The following PSMA1 variants were observed in gnomAD, a reference collection of about 807,000 sequenced individuals.
PSMA1 encodes proteasome 20S subunit alpha 1, also known as proteasome subunit alpha type-1.
PSMA1 carries 3 observed loss-of-function variants against 38.4 expected under a neutral mutation model. The ratio of observed to expected loss-of-function variants is 0.08; its 90% CI spans 0.04 to 0.20. The LOEUF is 0.20. Among genes scored for constraint, PSMA1 ranks in the 10% least tolerant of loss-of-function variants. The probability of loss-of-function intolerance (pLI) is 1.00; values close to 1 mark genes in which losing one functional copy is unlikely to be tolerated. For synonymous variants in PSMA1, 101 were observed against 107.1 expected (o/e 0.94, Z 0.35); for missense variants, 227 against 325.3 (o/e 0.70, Z 2.32).
intron 2 of PSMA1, among the ~76,000 whole-genome samples, chr11:14,558,255 A>AG (rs1242290507): frequency 6.6e-6 from 1 of 150,586 alleles, no homozygotes; most frequent in Admixed American, 6.6e-5. Flanking sequence ...TGCACAAAAA[A>AG]AAAAAAAAAA....
intron 5 of PSMA1, 160 bp downstream of exon 5, chr11:14,514,243 T>G: frequency 2.2e-6 from 3 of 1,370,500 alleles, no homozygotes; most frequent in Non-Finnish European, 2.8e-6. Flanking sequence ...CTAGCAAATA[T>G]AAATTGCTTA....
At chr11:14,615,373 G>T (rs951766313) in intron 1 of PSMA1, among the ~76,000 whole-genome samples, 10 of 152,182 alleles carry the variant, frequency 6.6e-5, no homozygotes, top group Non-Finnish European at 4.4e-5. Flanking sequence ...AGGTTTCCTT[G>T]TCCTCTGACT....
chr11:14,611,524 G>A (rs1447358466), intron 1 of PSMA1, among the ~76,000 whole-genome samples: 2 of 152,198 alleles, frequency 1.3e-5, no homozygotes, highest in Non-Finnish European at 2.9e-5. Context: ...ATTCTACAAT[G>A]AAGGATTTTT....
intron 2 of PSMA1, among the ~76,000 whole-genome samples, chr11:14,583,527 C>T (rs1352083987): frequency 6.6e-6 from 1 of 152,230 alleles, no homozygotes; most frequent in African/African-American, 2.4e-5. Context: ...ATCCCCAAAG[C>T]TGCTGTTGAC....
intron 2 of PSMA1, among the ~76,000 whole-genome samples, chr11:14,567,286 T>C (rs567854485): frequency 6.6e-6 from 1 of 152,288 alleles, no homozygotes; most frequent in South Asian, 2.1e-4. Flanking sequence ...CTTTTCTATT[T>C]TAGCTAGTGT....
chr11:14,563,685 C>A (rs1852035987), intron 2 of PSMA1, among the ~76,000 whole-genome samples: 1 of 151,980 alleles, frequency 6.6e-6, no homozygotes, highest in African/African-American at 2.4e-5. Context: ...TAAGAAAATG[C>A]AGATAAGCTA....
At chr11:14,553,701 A>G (rs555147400) in intron 2 of PSMA1, among the ~76,000 whole-genome samples, 92 of 152,140 alleles carry the variant, frequency 6.0e-4, no homozygotes, top group African/African-American at 2.2e-3. Context: ...GATGCACCAC[A>G]GTTTGTTTAG....
intron 2 of PSMA1, among the ~76,000 whole-genome samples, chr11:14,569,671 G>A (rs930202901): frequency 3.9e-5 from 6 of 152,202 alleles, no homozygotes; most frequent in African/African-American, 9.6e-5. Context: ...AGGTGCGTCT[G>A]CCATTGCTGA....
chr11:14,553,204 A>C (rs1163511327), intron 2 of PSMA1, among the ~76,000 whole-genome samples: 3 of 152,154 alleles, frequency 2.0e-5, no homozygotes, highest in African/African-American at 7.2e-5. Context: ...AATTCATAGT[A>C]CAGGGACGTT....
chr11:14,575,938 T>C (rs1852208091), intron 2 of PSMA1, among the ~76,000 whole-genome samples: 1 of 152,228 alleles, frequency 6.6e-6, no homozygotes, highest in African/African-American at 2.4e-5. Flanking sequence ...CCTGACTTTT[T>C]AATGATCACC....
intron 2 of PSMA1, among the ~76,000 whole-genome samples, chr11:14,544,547 T>G (rs1023680796): frequency 1.3e-5 from 2 of 152,160 alleles, no homozygotes; most frequent in Admixed American, 6.5e-5. Flanking sequence ...TAAAAGGAGA[T>G]ATACAAATGG....
At chr11:14,605,008 T>C (rs1200408966) in intron 2 of PSMA1, among the ~76,000 whole-genome samples, 1 of 152,246 alleles carries the variant, frequency 6.6e-6, no homozygotes, top group African/African-American at 2.4e-5. Flanking sequence ...AGTGCTGTGA[T>C]GAACATGAGA....
chr11:14,611,928 T>C (rs1330418947), intron 1 of PSMA1, among the ~76,000 whole-genome samples: 1 of 152,222 alleles, frequency 6.6e-6, no homozygotes, highest in Non-Finnish European at 1.5e-5. Flanking sequence ...CCCAGGCAAT[T>C]GTCTTTATTT....
chr11:14,583,593 A>T (rs1030499326), intron 2 of PSMA1, among the ~76,000 whole-genome samples: 1 of 152,216 alleles, frequency 6.6e-6, no homozygotes, highest in African/African-American at 2.4e-5. Flanking sequence ...CCTGCAGATG[A>T]TTAACTTTGG....
intron 2 of PSMA1, among the ~76,000 whole-genome samples, chr11:14,546,797 G>A (rs1009621020): frequency 6.6e-6 from 1 of 152,146 alleles, no homozygotes; most frequent in Non-Finnish European, 1.5e-5. Context: ...GCTTTTGAAT[G>A]CCTGGAGAAG....
intron 2 of PSMA1, among the ~76,000 whole-genome samples, chr11:14,605,612 C>G (rs1852633861): frequency 6.6e-6 from 1 of 152,126 alleles, no homozygotes; most frequent in African/African-American, 2.4e-5. Context: ...GTCTCAAACT[C>G]CTGGAATCAA....
intron 2 of PSMA1, among the ~76,000 whole-genome samples, chr11:14,573,050 G>A (rs1852165778): frequency 6.6e-6 from 1 of 152,124 alleles, no homozygotes; most frequent in Non-Finnish European, 1.5e-5. Context: ...AAAAGTCCAG[G>A]ACCAGATGGA....
intron 2 of PSMA1, among the ~76,000 whole-genome samples, chr11:14,571,476 C>T (rs1341666162): frequency 6.6e-6 from 1 of 151,994 alleles, no homozygotes; most frequent in Non-Finnish European, 1.5e-5. Context: ...GAGATTTTGT[C>T]GTCACCAGGC....
chr11:14,615,538 T>C (rs981016351), intron 1 of PSMA1, among the ~76,000 whole-genome samples: 1 of 152,228 alleles, frequency 6.6e-6, no homozygotes, highest in Non-Finnish European at 1.5e-5. Context: ...CTCTCTCCTA[T>C]AGCTTGCTTT....
Sources: allele counts gnomAD v4.1 joint callset (sites outside exome capture counted in the v4.1 genomes callset), GRCh38; gene constraint gnomAD v4.1.1; transcripts MANE v1.5; gene names NCBI Gene and HGNC (gene_info 2026-07-23, HGNC 2026-07-21).